Variants in GRAMD2B observed in about 807,000 individuals in gnomAD.
GRAMD2B encodes the protein GRAM domain-containing protein 2B.
GRAMD2B carries 41 observed loss-of-function variants against 59.2 expected under a neutral mutation model. The observed-to-expected ratio is 0.69, with a 90% CI of 0.54 to 0.90. The LOEUF is 0.90. Ranked by LOEUF, GRAMD2B falls within the 40% of genes least tolerant of loss-of-function variation. The probability of loss-of-function intolerance (pLI) is 0.00; values close to 1 mark genes in which losing one functional copy is unlikely to be tolerated. For missense variants in GRAMD2B, 424 were observed against 500.5 expected, an observed-to-expected ratio of 0.85 and a Z score of 1.46; for synonymous variants, 161 against 182.7, an observed-to-expected ratio of 0.88 and a Z score of 0.96.
chr5:126,481,539 A>T (rs1192094555), intron 8 of GRAMD2B, among the ~76,000 whole-genome samples: 1 of 152,218 alleles, frequency 6.6e-6, no homozygotes, highest in Non-Finnish European at 1.5e-5. Context: ...GTTTTCACAC[A>T]AACACTTGTA....
Position 126,366,131 on chromosome 5 carries a change from G to C in GRAMD2B, c.128+5672G>C, listed in dbSNP as rs371776680. On this transcript the variant is annotated intron_variant, in intron 1 of 13. Coordinates refer to the GRAMD2B transcript ENST00000513040. Reference sequence around the variant, plus strand: ...ATCCTTTCTCTGCATCCTCTCAAAGGGTTCACAACTTTGGGAGAGAAATCA... The same window carrying C: ...ATCCTTTCTCTGCATCCTCTCAAAGCGTTCACAACTTTGGGAGAGAAATCA... Among the ~76,000 whole-genome samples, 17 of 152,226 alleles carry C rather than the reference G, an allele frequency of 1.1e-4. No homozygotes were observed. In the East Asian group the frequency reaches 3.1e-3, roughly 28 times the overall value.
chr5:126,428,702 G>C (rs764789979), intron 1 of GRAMD2B, among the ~76,000 whole-genome samples: 1 of 152,066 alleles, frequency 6.6e-6, no homozygotes, highest in Non-Finnish European at 1.5e-5. Context: ...TTTGATACAG[G>C]CTTGCTTTGA....
chr5:126,422,529 C>T (rs955838878), upstream of GRAMD2B, among the ~76,000 whole-genome samples: 1 of 152,194 alleles, frequency 6.6e-6, no homozygotes, highest in African/African-American at 2.4e-5. Flanking sequence ...AGCTCATCAT[C>T]TATCCTTAGT....
chr5:126,439,927 C>T (rs1250299660), intron 1 of GRAMD2B, among the ~76,000 whole-genome samples: 1 of 152,238 alleles, frequency 6.6e-6, no homozygotes, highest in South Asian at 2.1e-4. Flanking sequence ...CTCTTGTCTG[C>T]CACCATGTAA....
intron 1 of GRAMD2B, chr5:126,445,452 T>A (rs911033540): frequency 1.1e-4 from 16 of 152,184 alleles, no homozygotes; most frequent in Admixed American, 1.0e-3. Context: ...ATCAGTGATG[T>A]TGAGCTTTTT....
At chr5:126,488,997 A>G (rs1246770416) in intron 13 of GRAMD2B, 105 bp downstream of exon 13, 8 of 652,688 alleles carry the variant, frequency 1.2e-5, no homozygotes, top group East Asian at 8.5e-5. Context: ...GTGTGCCGCA[A>G]TAAACCTACA....
At chr5:126,464,560 CCTT>C (rs1388100351) in intron 1 of GRAMD2B, among the ~76,000 whole-genome samples, 1 of 152,172 alleles carries the variant, frequency 6.6e-6, no homozygotes, top group Non-Finnish European at 1.5e-5. Flanking sequence ...TATGCACAAA[CCTT>C]CTTGACTCAC....
At chr5:126,458,465 G>A (rs1021837078) in intron 1 of GRAMD2B, among the ~76,000 whole-genome samples, 3 of 151,840 alleles carry the variant, frequency 2.0e-5, no homozygotes, top group African/African-American at 7.3e-5. Context: ...AAAGAATGAG[G>A]GGCTAGAGAA....
At chr5:126,421,912 C>A (rs1759759428), upstream of GRAMD2B, among the ~76,000 whole-genome samples, 1 of 152,166 alleles carries the variant, frequency 6.6e-6, no homozygotes, top group South Asian at 2.1e-4. Flanking sequence ...GAAGGACTTG[C>A]AGCCCCAGAA....
intron 1 of GRAMD2B, among the ~76,000 whole-genome samples, chr5:126,428,851 A>T (rs796079117): frequency 2.6e-5 from 4 of 152,378 alleles, no homozygotes; most frequent in African/African-American, 9.6e-5. Flanking sequence ...ATCTCACACC[A>T]GTCAGGATGG....
At chr5:126,431,258 G>C (rs887486848) in intron 1 of GRAMD2B, among the ~76,000 whole-genome samples, 9 of 152,092 alleles carry the variant, frequency 5.9e-5, no homozygotes, top group African/African-American at 1.9e-4. Flanking sequence ...TCGTGAGATT[G>C]TTATGATTAA....
chr5:126,481,348 A>T (rs1229168335), intron 8 of GRAMD2B, among the ~76,000 whole-genome samples: 3 of 152,164 alleles, frequency 2.0e-5, no homozygotes, highest in African/African-American at 7.2e-5. Context: ...AGTGGGAAGT[A>T]GCTCCCTCTG....
intron 1 of GRAMD2B, among the ~76,000 whole-genome samples, chr5:126,409,447 A>G (rs1758563540): frequency 6.6e-6 from 1 of 152,172 alleles, no homozygotes; most frequent in Non-Finnish European, 1.5e-5. Context: ...AGTGATGGTG[A>G]GCATTTTTTC....
At chr5:126,400,060 A>ATT (rs568443074) in intron 1 of GRAMD2B, among the ~76,000 whole-genome samples, 249 of 145,264 alleles carry the variant, frequency 1.7e-3, no homozygotes, top group African/African-American at 6.0e-3. Context: ...TTGTGATTTG[A>ATT]TTTTTTTTTT....
Position 126,480,246 on chromosome 5 carries a change from G to T in GRAMD2B, c.583-210G>T. ...TTATTACTCTTAAATTGGGTTTGAA[G>T]ATTTTGTTGCTTTTATGGGAGAATG... On this transcript the variant is annotated intron_variant, in intron 6 of 13. Transcript: ENST00000285689. The T allele has an allele frequency of 5.6e-6, 3 of 531,776 alleles. No individual in the cohort carries two copies. In the South Asian group the frequency reaches 8.0e-5, roughly 14 times the overall value. The allele number at this position is 531,776 out of a possible 1,614,324, so 32.9% of individuals were successfully genotyped here.
chr5:126,373,620 A>T (rs919215508), intron 1 of GRAMD2B, among the ~76,000 whole-genome samples: 1 of 152,218 alleles, frequency 6.6e-6, no homozygotes, highest in Non-Finnish European at 1.5e-5. Context: ...AAGACAGGCC[A>T]AAAAAATGAA....
At chr5:126,461,284 G>A (rs546131003) in intron 1 of GRAMD2B, among the ~76,000 whole-genome samples, 1 of 152,314 alleles carries the variant, frequency 6.6e-6, no homozygotes, top group East Asian at 1.9e-4. Flanking sequence ...AACTCACAGA[G>A]ACTATCTCCA....
At chr5:126,454,859 T>C (rs1323112270) in intron 1 of GRAMD2B, among the ~76,000 whole-genome samples, 2 of 152,226 alleles carry the variant, frequency 1.3e-5, no homozygotes, top group South Asian at 2.1e-4. Context: ...AAATCTGATA[T>C]TCTTTTTATT....
At chr5:126,396,585 G>T (rs1417727999) in intron 1 of GRAMD2B, among the ~76,000 whole-genome samples, 1 of 152,062 alleles carries the variant, frequency 6.6e-6, no homozygotes, top group Non-Finnish European at 1.5e-5. Flanking sequence ...TTGTTGATGG[G>T]CATTTATGTT....
Sources: allele counts gnomAD v4.1 joint callset (sites outside exome capture counted in the v4.1 genomes callset), GRCh38; gene constraint gnomAD v4.1.1; transcripts MANE v1.5; gene names NCBI Gene and HGNC (gene_info 2026-07-23, HGNC 2026-07-21).